Variants in ACSM6 observed in about 807,000 individuals in gnomAD.
ACSM6 encodes the protein acyl-CoA synthetase medium chain family member 6.
Under a neutral mutation model 51.1 loss-of-function variants are expected in ACSM6, and 35 were observed. That is an observed-to-expected ratio of 0.69 (90% CI 0.52 to 0.91). The LOEUF (loss-of-function observed/expected upper bound fraction) is 0.91, where lower values mean the gene tolerates loss of function less well. Ranked by LOEUF, ACSM6 falls within the 40% of genes least tolerant of loss-of-function variation. The pLI is 0.00. For synonymous variants in ACSM6, 172 were observed against 207.3 expected (o/e 0.83, Z 1.46); for missense variants, 509 against 584.1 (o/e 0.87, Z 1.32).
chr10:95,203,029 C>T (rs1055085402), intron 3 of ACSM6, among the ~76,000 whole-genome samples: 3 of 151,880 alleles, frequency 2.0e-5, no homozygotes, highest in Non-Finnish European at 4.4e-5. Context: ...CTAGGCTGCA[C>T]AGCAGGAGAT....
Position 95,211,895 on chromosome 10 carries a change from A to G in ACSM6, c.773A>G (p.Gln258Arg), listed in dbSNP as rs775246480. The change falls in exon 6 of 11, where the codon CAG becomes CGG. Residue 258 changes from glutamine to arginine, a missense_variant. Coordinates refer to ENST00000341686, the Ensembl canonical transcript of ACSM6. Reference sequence around the variant, plus strand: ...CTCTTTAGACGGTGGATGGATCTCCAGCCAACAGATGTCTTGTGGAGTCTG... The same window carrying G: ...CTCTTTAGACGGTGGATGGATCTCCGGCCAACAGATGTCTTGTGGAGTCTG... 3.1e-6 allele frequency: 5 copies of G among 1,608,424 alleles called. No homozygotes were observed. In the South Asian group the frequency reaches 5.6e-5, roughly 18 times the overall value.
At chr10:95,202,563 C>G (rs1217762869) in intron 3 of ACSM6, among the ~76,000 whole-genome samples, 2 of 152,118 alleles carry the variant, frequency 1.3e-5, no homozygotes, top group Non-Finnish European at 2.9e-5. Flanking sequence ...TAGTCATCAT[C>G]AAAACAACAG....
At chr10:95,218,827 G>A (rs1367564315) in intron 8 of ACSM6, among the ~76,000 whole-genome samples, 2 of 152,260 alleles carry the variant, frequency 1.3e-5, no homozygotes, top group South Asian at 4.1e-4. Flanking sequence ...TAGTTACTGC[G>A]GTACACTAGA....
chr10:95,214,516 T>C (rs1290329527), intron 7 of ACSM6, among the ~76,000 whole-genome samples: 2 of 152,170 alleles, frequency 1.3e-5, no homozygotes, highest in Non-Finnish European at 2.9e-5. Context: ...TGCTGACACA[T>C]CCTTCACAAA....
Position 95,221,515 on chromosome 10 carries a change from G to A in ACSM6, c.1200+1544G>A, listed in dbSNP as rs566440467. Among the ~76,000 whole-genome samples the A allele has an allele frequency of 5.3e-5, 8 of 152,264 alleles. No individual in the cohort carries two copies. The East Asian group carries it at 1.4e-3, about 26-fold the overall frequency. Reference sequence around the variant, plus strand: ...GCAGGAGAATCCCTTGAACTCAGCAGGCGGGGGTTGCAGGGAGCCAAGATC... The same window carrying A: ...GCAGGAGAATCCCTTGAACTCAGCAAGCGGGGGTTGCAGGGAGCCAAGATC... On this transcript the variant is annotated intron_variant, in intron 9 of 10. Coordinates refer to ENST00000341686, the Ensembl canonical transcript of ACSM6.
Position 95,202,016 on chromosome 10 carries a change from G to A in ACSM6, c.224G>A (p.Trp75Ter), listed in dbSNP as rs921297291. The A allele has an allele frequency of 6.4e-7, 1 of 1,551,718 alleles. No individual in the cohort carries two copies. The highest frequency in any genetic ancestry group is 2.0e-5 in the Admixed American group (1 of 50,998). Residue 75 changes from tryptophan to a stop codon, truncating the protein, a stop_gained, in exon 3 of 11, where the codon TGG becomes TAG. Transcript: ENST00000341686. LOFTEE classifies it high-confidence loss of function. Reference sequence around the variant, plus strand: ...CTCAGAGGGCCTTACCCCGCCCTCTGGAAGGTTAGTGCCAAAGGAGAAGAG... The same window carrying A: ...CTCAGAGGGCCTTACCCCGCCCTCTAGAAGGTTAGTGCCAAAGGAGAAGAG...
At chr10:95,207,485 A>G (rs2034851900) in intron 4 of ACSM6, 70 bp downstream of exon 4, 1 of 1,495,758 alleles carries the variant, frequency 6.7e-7, no homozygotes, top group Non-Finnish European at 9.3e-7. Context: ...ATGATATATG[A>G]GAAAGTGGTG....
At chr10:95,197,892 CT>C (rs1189562037) in intron 2 of ACSM6, among the ~76,000 whole-genome samples, 2 of 152,250 alleles carry the variant, frequency 1.3e-5, no homozygotes, top group African/African-American at 4.8e-5. Context: ...GTCCCTGCGG[CT>C]TTCCGCAGTG....
At chr10:95,213,138 G>A (rs188169705) in intron 7 of ACSM6, among the ~76,000 whole-genome samples, 198 bp downstream of exon 7, 149 of 152,108 alleles carry the variant, frequency 9.8e-4, no homozygotes, top group African/African-American at 3.4e-3. Context: ...TCTTGACCCA[G>A]AACATAAAAT....
intron 2 of ACSM6, among the ~76,000 whole-genome samples, chr10:95,196,296 G>A (rs2034724163): frequency 6.6e-6 from 1 of 152,192 alleles, no homozygotes; most frequent in Non-Finnish European, 1.5e-5. Context: ...GTGATTGGGT[G>A]CCAAGGAATT....
chr10:95,204,561 A>AAAT (rs976405732), intron 3 of ACSM6, among the ~76,000 whole-genome samples: 3 of 152,072 alleles, frequency 2.0e-5, no homozygotes, highest in East Asian at 3.9e-4. Flanking sequence ...CTATTTAAAA[A>AAAT]AATAATAATA....
At chr10:95,214,916 G>A (rs762184466) in exon 8 of ACSM6, 1 of 1,551,620 alleles carries the variant, frequency 6.4e-7, no homozygotes, top group South Asian at 1.2e-5. Context: ...TGGGGTGATT[G>A]AGGACTGGAA....
intron 2 of ACSM6, among the ~76,000 whole-genome samples, chr10:95,197,831 A>T (rs968967539): frequency 2.6e-5 from 4 of 152,214 alleles, no homozygotes; most frequent in Non-Finnish European, 4.4e-5. Context: ...CATATTTCAG[A>T]CTATCACATG....
intron 7 of ACSM6, among the ~76,000 whole-genome samples, chr10:95,213,408 T>A (rs2034914288): frequency 6.6e-6 from 1 of 152,192 alleles, no homozygotes; most frequent in African/African-American, 2.4e-5. Flanking sequence ...AATTTATACC[T>A]ATGTGTATCT....
At position 95,207,268 on chromosome 10, in the gene ACSM6, G is replaced by A. The variant is rs151317777; in HGVS notation, c.464G>A (p.Arg155His). The stretch of plus-strand genomic sequence containing the variant: ...GCCAAGAAAATTCGCTATCAATTAC[G>A]CATGTCTAAGGCCCAGTGCATTGTG... Residue 155 changes from arginine (R) to histidine (H), a missense_variant, in exon 4 of 11, where the codon CGC becomes CAC. Coordinates refer to ENST00000341686, the Ensembl canonical transcript of ACSM6. 553 of 1,614,080 alleles carry A rather than the reference G, an allele frequency of 3.4e-4. 1 individual carries two copies. The highest frequency in any genetic ancestry group is 2.6e-3 in the African/African-American group (197 of 75,024).
intron 2 of ACSM6, among the ~76,000 whole-genome samples, chr10:95,200,150 T>C (rs1394049346): frequency 2.0e-5 from 3 of 152,098 alleles, no homozygotes; most frequent in Non-Finnish European, 1.5e-5. Flanking sequence ...ATAGACACCA[T>C]GGAATACTAT....
At position 95,212,944 on chromosome 10, in the gene ACSM6, A is replaced by T; in HGVS notation, c.995+4A>T. On this transcript the variant is annotated splice_donor_region_variant and intron_variant, in intron 7 of 10. Coordinates refer to ENST00000341686, the Ensembl canonical transcript of ACSM6. The stretch of plus-strand genomic sequence containing the variant: ...TTCAGCACAAGTGTTTCACCAGGTA[A>T]GAGAGGATCCCTCAGGAGAGAGTCC... 1.2e-6 allele frequency: 2 copies of T among 1,600,756 alleles called. No individual in the cohort carries two copies. The highest frequency in any genetic ancestry group is 1.7e-6 in the Non-Finnish European group (2 of 1,167,874).
chr10:95,224,360 C>T (rs986304795), intron 9 of ACSM6, among the ~76,000 whole-genome samples: 1 of 152,222 alleles, frequency 6.6e-6, no homozygotes, highest in East Asian at 1.9e-4. Flanking sequence ...TGTCACATTA[C>T]TTCATGGTCA....
chr10:95,216,577 G>T (rs1346900816), intron 8 of ACSM6, among the ~76,000 whole-genome samples: 1 of 152,120 alleles, frequency 6.6e-6, no homozygotes, highest in Admixed American at 6.6e-5. Flanking sequence ...GTGGTATAGG[G>T]TGGTAAATGT....
Sources: gnomAD v4.1 joint callset for allele counts (sites outside exome capture counted in the v4.1 genomes callset) on GRCh38, gnomAD v4.1.1 for gene constraint, MANE v1.5 for transcripts, NCBI Gene and HGNC (gene_info 2026-07-23, HGNC 2026-07-21) for gene names.